The following SLC9A3 variants were observed in gnomAD, a reference collection of about 807,000 sequenced individuals.
SLC9A3 encodes sodium/hydrogen exchanger 3.
Under a neutral mutation model 86.8 loss-of-function variants are expected in SLC9A3, and 37 were observed. That is an observed-to-expected ratio of 0.43 (90% CI 0.33 to 0.56). The LOEUF (loss-of-function observed/expected upper bound fraction) is 0.56. SLC9A3 is among the 20% of genes least tolerant of loss of function. The probability of loss-of-function intolerance (pLI) is 0.06; values close to 1 mark genes in which losing one functional copy is unlikely to be tolerated. For missense variants in SLC9A3, 1,011 were observed against 1,171.9 expected (o/e 0.86, Z 2.00); for synonymous variants, 581 against 528.3 (o/e 1.10, Z -1.37).
rs1254427842 is a variant in SLC9A3 at position 496,289 on chromosome 5, C to T, written c.212-4218G>A. On this transcript the variant is annotated intron_variant, in intron 1 of 16. Transcript: ENST00000264938. This position sits in a 1 kb window ranked among gnomAD's most constrained non-coding sequence, Gnocchi z 4.7. ...TGTGTGTTGAGAGCTCACCTGTGTC[C>T]TCCTGCATGGGACATGCCGTCCCAC... is the stretch of plus-strand genomic sequence containing the variant. 6.6e-6 allele frequency among the ~76,000 whole-genome samples: 1 copy of T among 152,142 alleles called. No individual in the cohort carries two copies. The highest frequency in any genetic ancestry group is 2.4e-5 in the African/African-American group (1 of 41,414).
chr5:519,208 C>G (rs889042540), intron 1 of SLC9A3, among the ~76,000 whole-genome samples: 5 of 152,178 alleles, frequency 3.3e-5, no homozygotes, highest in African/African-American at 1.2e-4. Context: ...CTGGGGTCCA[C>G]AGGGCCCACT....
rs545457529 is a variant in SLC9A3 at position 497,575 on chromosome 5, G to A, written c.212-5504C>T. Among the ~76,000 whole-genome samples the A allele has an allele frequency of 1.7e-4, 26 of 152,316 alleles. No homozygotes were observed. Among genetic ancestry groups the A allele is most frequent in the African/African-American group, 6.3e-4 (26 of 41,562 alleles). ...TAAATTGTTTCCAACCAGGAAACAA[G>A]GATATCTCTTAACACAATTGTTCTA... is the stretch of plus-strand genomic sequence containing the variant. On this transcript the variant is annotated intron_variant, in intron 1 of 16. Coordinates refer to ENST00000264938, the MANE Select transcript of SLC9A3 (RefSeq NM_004174.4). This position sits in a 1 kb window ranked among gnomAD's most constrained non-coding sequence, Gnocchi z 5.4.
chr5:522,013 A>T (rs997048207), intron 1 of SLC9A3, among the ~76,000 whole-genome samples: 1 of 152,172 alleles, frequency 6.6e-6, no homozygotes, highest in Non-Finnish European at 1.5e-5. Flanking sequence ...TGCAGAGTGC[A>T]CAGTGGGTTG....
chr5:488,599 G>GAC, intron 2 of SLC9A3, 123 bp from the exon 3 acceptor site: 4 of 1,008,888 alleles, frequency 4.0e-6, no homozygotes, highest in Non-Finnish European at 2.8e-6. Flanking sequence ...GGTGGCGTGG[G>GAC]GAGCTGGGTC....
intron 2 of SLC9A3, 117 bp from the exon 3 acceptor site, chr5:488,593 G>T (rs1579789163): frequency 9.4e-7 from 1 of 1,058,284 alleles, no homozygotes; most frequent in Non-Finnish European, 1.3e-6. Context: ...GGCGCCGGTG[G>T]CGTGGGGAGC....
chr5:515,754 CT>C (rs1733710905), intron 1 of SLC9A3, among the ~76,000 whole-genome samples: 7 of 129,912 alleles, frequency 5.4e-5, no homozygotes, highest in East Asian at 2.1e-4. Flanking sequence ...CCCCCTGCCC[CT>C]CACACACACA....
At chr5:507,093 T>A (rs1465506502) in intron 1 of SLC9A3, among the ~76,000 whole-genome samples, 6 of 128,656 alleles carry the variant, frequency 4.7e-5, no homozygotes, top group Non-Finnish European at 8.0e-5. Context: ...AATAAATAAA[T>A]AAATAAATAA....
Position 471,940 on chromosome 5 carries a change from C to T in SLC9A3, c.*1439G>A, listed in dbSNP as rs1053226. 10,011 of 456,658 alleles carry T rather than the reference C, an allele frequency of 0.022. 235 individuals carry two copies. The highest frequency in any genetic ancestry group is 0.061 in the Admixed American group (2,617 of 42,582). The allele number at this position is 456,658 out of a possible 1,614,324, so 28.3% of individuals were successfully genotyped here. A position where few individuals can be genotyped will look rare whatever the true frequency, so the allele number is the denominator to read the frequency against. On this transcript the variant is annotated 3_prime_UTR_variant, in exon 17 of 17. Coordinates refer to ENST00000264938, the MANE Select transcript of SLC9A3 (RefSeq NM_004174.4). ...ACATAAAACTCTTTAAGAACTCCTCCTGACTGGTGACTGTCAACACTTGAT... is the reference window on the plus strand; with the variant it reads ...ACATAAAACTCTTTAAGAACTCCTCTTGACTGGTGACTGTCAACACTTGAT...
chr5:484,758 C>A, intron 4 of SLC9A3, 61 bp from the exon 5 acceptor site: 1 of 1,548,532 alleles, frequency 6.5e-7, no homozygotes, highest in East Asian at 2.3e-5. Context: ...TGCCAGGGGC[C>A]GCCTGGTGAC....
intron 1 of SLC9A3, among the ~76,000 whole-genome samples, chr5:515,071 C>T (rs1560975904): frequency 6.6e-6 from 1 of 152,158 alleles, no homozygotes; most frequent in Non-Finnish European, 1.5e-5. Flanking sequence ...CCTGGTCTTT[C>T]CCTAAGGCAG....
In SLC9A3 at chr5:475,198, G is replaced by A. The variant is rs185193990; in HGVS notation, c.2252-66C>T. On this transcript the variant is annotated intron_variant, in intron 15 of 16. Transcript: ENST00000264938. ...CCACGGCGGCAGGGGAGACCTCGCC[G>A]GGGCCGTCACCTGCTGGGTGCCTTG... The A allele has an allele frequency of 8.1e-3, 12,108 of 1,493,612 alleles. 64 individuals are homozygous for A. Among genetic ancestry groups the A allele is most frequent in the Non-Finnish European group, 9.8e-3 (10,935 of 1,119,650 alleles). 92.5% of individuals were successfully genotyped at this position (1,493,612 alleles called of 1,614,324 possible).
rs140214940 is a variant in SLC9A3, at chr5:502,215, C to T, written c.212-10144G>A. Among the ~76,000 whole-genome samples the T allele has an allele frequency of 9.1e-3, 1,391 of 152,374 alleles. 23 individuals are homozygous for T. Among genetic ancestry groups the T allele is most frequent in the African/African-American group, 0.032 (1,318 of 41,598 alleles). On this transcript the variant is annotated intron_variant, in intron 1 of 16. Coordinates refer to ENST00000264938, the MANE Select transcript of SLC9A3 (RefSeq NM_004174.4). ...ATGAACGCAGCCTCTGAGCCAGCCA[C>T]GGCCTCTGTCCAGGACGCTGGGCAG...
At chr5:505,055 C>G (rs893417345) in intron 1 of SLC9A3, among the ~76,000 whole-genome samples, 2 of 151,550 alleles carry the variant, frequency 1.3e-5, no homozygotes, top group Non-Finnish European at 2.9e-5. Context: ...ACAGCGTGGA[C>G]GCAGTGACCC....
chr5:494,083 G>T (rs1270220145), intron 1 of SLC9A3, among the ~76,000 whole-genome samples: 2 of 152,232 alleles, frequency 1.3e-5, no homozygotes, highest in East Asian at 3.9e-4. Flanking sequence ...CCAGCTTTCA[G>T]CAGGAGAGCA....
chr5:490,996 A>G (rs1006189954), intron 2 of SLC9A3, among the ~76,000 whole-genome samples: 2 of 152,198 alleles, frequency 1.3e-5, no homozygotes, highest in Admixed American at 6.5e-5. Flanking sequence ...ATTCCCATGG[A>G]GAGGCCGGGC....
chr5:493,704 C>T (rs572831454), intron 1 of SLC9A3, among the ~76,000 whole-genome samples: 57 of 152,358 alleles, frequency 3.7e-4, no homozygotes, highest in African/African-American at 1.3e-3. Context: ...CTCCAGATTC[C>T]AAAACACCAG....
Position 512,996 on chromosome 5 carries a change from G to A in SLC9A3, c.211+11116C>T, listed in dbSNP as rs186588708. On this transcript the variant is annotated intron_variant, in intron 1 of 16. Transcript: ENST00000264938. ...ACTGGAAGATAAGAGGGGGAAAGGC[G>A]GTTACAGAGGTTTCCACTGCAGCAA... 6.6e-5 allele frequency among the ~76,000 whole-genome samples: 10 copies of A among 152,262 alleles called. No homozygotes were observed. The East Asian group carries it at 1.4e-3, about 21-fold the overall frequency.
At chr5:484,479 A>C (rs1739370093) in intron 5 of SLC9A3, 41 bp downstream of exon 5, 10 of 1,596,632 alleles carry the variant, frequency 6.3e-6, no homozygotes, top group Non-Finnish European at 8.6e-6. Flanking sequence ...GAAGCTCGGG[A>C]GGAGGGCGTG....
At chr5:519,828 G>A (rs1733833326) in intron 1 of SLC9A3, among the ~76,000 whole-genome samples, 1 of 151,976 alleles carries the variant, frequency 6.6e-6, no homozygotes, top group Non-Finnish European at 1.5e-5. Context: ...GCCGCTCAGA[G>A]GGGGGTGGGG....
Sources: allele counts gnomAD v4.1 joint callset (sites outside exome capture counted in the v4.1 genomes callset), GRCh38; gene constraint gnomAD v4.1.1; non-coding constraint Gnocchi (gnomAD v3.1); transcripts MANE v1.5; gene names NCBI Gene and HGNC (gene_info 2026-07-23, HGNC 2026-07-21).